The following ZRANB3 variants were observed in gnomAD, a reference collection of about 807,000 sequenced individuals.
ZRANB3 encodes the protein DNA annealing helicase and endonuclease ZRANB3.
In ZRANB3, 125 loss-of-function variants were observed where a neutral mutation model predicts 133.8. The ratio of observed to expected loss-of-function variants is 0.93; its 90% CI spans 0.81 to 1.08. The LOEUF is 1.08. Ranked by LOEUF, ZRANB3 falls within the 50% of genes least tolerant of loss-of-function variation. The probability of loss-of-function intolerance (pLI) is 0.00; values close to 1 mark genes in which losing one functional copy is unlikely to be tolerated. For missense variants in ZRANB3, 1,229 were observed against 1,275.5 expected, an observed-to-expected ratio of 0.96 and a Z score of 0.56; for synonymous variants, 387 against 432.7, an observed-to-expected ratio of 0.89 and a Z score of 1.31.
chr2:135,430,573 C>T (rs1289089094), intron 2 of ZRANB3, among the ~76,000 whole-genome samples: 1 of 152,010 alleles, frequency 6.6e-6, no homozygotes, highest in Non-Finnish European at 1.5e-5. Context: ...TTTTAGAGGA[C>T]ATAAACAGGA....
rs565096177 is a variant in ZRANB3 at position 135,250,851 on chromosome 2, G to C, written c.1539+14683C>G. On this transcript the variant is annotated intron_variant, in intron 12 of 20. Transcript: ENST00000264159. ...GCCTCTGCTAGGGCAGTGCAGAAGG[G>C]AAATGTGGGGTTGGAGTCCTCACAC... Among the ~76,000 whole-genome samples, 121 of 152,378 alleles carry C rather than the reference G, an allele frequency of 7.9e-4. 1 individual carries two copies. Among genetic ancestry groups the C allele is most frequent in the African/African-American group, 2.6e-3 (107 of 41,586 alleles).
At chr2:135,240,862 G>A (rs1695522606) in intron 12 of ZRANB3, among the ~76,000 whole-genome samples, 1 of 152,114 alleles carries the variant, frequency 6.6e-6, no homozygotes, top group Admixed American at 6.5e-5. Context: ...TTACAGGCGT[G>A]AGCCACCATG....
intron 12 of ZRANB3, among the ~76,000 whole-genome samples, chr2:135,242,501 G>A (rs941267375): frequency 3.3e-5 from 5 of 151,730 alleles, no homozygotes; most frequent in South Asian, 2.1e-4. Flanking sequence ...GTTACCCAGG[G>A]GGGGCTCAAA....
intron 2 of ZRANB3, among the ~76,000 whole-genome samples, chr2:135,396,959 T>C (rs1020981965): frequency 1.3e-5 from 2 of 151,978 alleles, no homozygotes; most frequent in Admixed American, 6.6e-5. Context: ...AGAAAAAATT[T>C]AAAATAAAAT....
chr2:135,372,800 A>C (rs1029924375), intron 3 of ZRANB3, among the ~76,000 whole-genome samples: 1 of 151,480 alleles, frequency 6.6e-6, no homozygotes, highest in Admixed American at 6.6e-5. Flanking sequence ...AAAAAAAAAA[A>C]AAAAGCCAGG....
chr2:135,212,065 C>T (rs939929200), intron 17 of ZRANB3, among the ~76,000 whole-genome samples: 3 of 152,180 alleles, frequency 2.0e-5, no homozygotes, highest in Non-Finnish European at 4.4e-5. Flanking sequence ...TGATAGGCAT[C>T]TCATCATAGA....
intron 3 of ZRANB3, among the ~76,000 whole-genome samples, chr2:135,363,679 T>TG (rs1176403807): frequency 6.6e-6 from 1 of 151,950 alleles, no homozygotes; most frequent in Non-Finnish European, 1.5e-5. Flanking sequence ...CAAAAAGAAA[T>TG]GGGGGGAAAA....
At chr2:135,291,582 TATTTTATTTTTTTA>T (rs1317408626) in intron 8 of ZRANB3, among the ~76,000 whole-genome samples, 3 of 151,834 alleles carry the variant, frequency 2.0e-5, no homozygotes, top group Admixed American at 2.0e-4. Flanking sequence ...ATTTTTATTT[TATTTTATTTTTTTA>T]ATTTTATTAT....
chr2:135,480,096 G>A (rs1691703062), intron 2 of ZRANB3, among the ~76,000 whole-genome samples: 1 of 145,766 alleles, frequency 6.9e-6, no homozygotes, highest in Non-Finnish European at 1.5e-5. Flanking sequence ...ACCATGTCAG[G>A]CTAATTTTTT....
At chr2:135,326,239 T>A (rs1043587748) in intron 6 of ZRANB3, among the ~76,000 whole-genome samples, 38 of 152,192 alleles carry the variant, frequency 2.5e-4, no homozygotes, top group African/African-American at 8.7e-4. Flanking sequence ...ATATGTTTTA[T>A]GTGTGTGTGC....
At chr2:135,382,735 A>C (rs925438564) in intron 3 of ZRANB3, among the ~76,000 whole-genome samples, 1 of 152,216 alleles carries the variant, frequency 6.6e-6, no homozygotes, top group Non-Finnish European at 1.5e-5. Flanking sequence ...ATATGCAGCG[A>C]AACTAAGCTT....
At chr2:135,229,364 A>G (rs895309125) in intron 13 of ZRANB3, among the ~76,000 whole-genome samples, 1 of 149,932 alleles carries the variant, frequency 6.7e-6, no homozygotes, top group African/African-American at 2.5e-5. Context: ...GTCAATGCCA[A>G]TATTTTTTTT....
chr2:135,335,813 T>C (rs1684345435), intron 6 of ZRANB3, among the ~76,000 whole-genome samples: 2 of 152,298 alleles, frequency 1.3e-5, no homozygotes, highest in South Asian at 4.1e-4. Flanking sequence ...GATGCTTGGC[T>C]GGGTTATCTA....
intron 2 of ZRANB3, among the ~76,000 whole-genome samples, chr2:135,399,567 G>A (rs1327036706): frequency 1.3e-5 from 2 of 152,098 alleles, no homozygotes; most frequent in Non-Finnish European, 1.5e-5. Flanking sequence ...CTTAAGAGAA[G>A]GGCATACAAG....
intron 8 of ZRANB3, among the ~76,000 whole-genome samples, chr2:135,301,906 C>T (rs558830316): frequency 2.0e-5 from 3 of 152,330 alleles, no homozygotes; most frequent in Admixed American, 6.5e-5. Flanking sequence ...CTCCCTAGCA[C>T]CTTGCCACAT....
At chr2:135,319,629 C>A (rs1026406466) in intron 6 of ZRANB3, among the ~76,000 whole-genome samples, 2 of 152,130 alleles carry the variant, frequency 1.3e-5, no homozygotes, top group Non-Finnish European at 2.9e-5. Flanking sequence ...ACATTTCAAC[C>A]TTGCTTCTCT....
intron 6 of ZRANB3, among the ~76,000 whole-genome samples, chr2:135,342,724 G>T (rs563782018): frequency 1.6e-4 from 24 of 149,442 alleles, no homozygotes; most frequent in Non-Finnish European, 2.6e-4. Context: ...GTAAGCTGTG[G>T]TAATAGTGAA....
At chr2:135,462,035 G>A (rs1231660072) in intron 2 of ZRANB3, among the ~76,000 whole-genome samples, 1 of 152,072 alleles carries the variant, frequency 6.6e-6, no homozygotes, top group African/African-American at 2.4e-5. Context: ...GAATAGCAAA[G>A]GAAATTGGAT....
rs763738343 is a variant in ZRANB3 at position 135,411,919 on chromosome 2, A to T, written c.162-21099T>A. On this transcript the variant is annotated intron_variant, in intron 2 of 20. Transcript: ENST00000264159. ...TACCCCTCTGAATCTATAATTTTTT[A>T]AAAAAGAAGTGACTGCACCCTTCTT... Among the ~76,000 whole-genome samples, 54 of 152,272 alleles carry T rather than the reference A, an allele frequency of 3.5e-4. 1 individual carries two copies. Among genetic ancestry groups the T allele is most frequent in the Non-Finnish European group, 2.6e-4 (18 of 68,024 alleles).
Sources: gnomAD v4.1 joint callset for allele counts (sites outside exome capture counted in the v4.1 genomes callset) on GRCh38, gnomAD v4.1.1 for gene constraint, MANE v1.5 for transcripts, NCBI Gene and HGNC (gene_info 2026-07-23, HGNC 2026-07-21) for gene names.